The following IFNGR2 variants were observed in gnomAD, a reference collection of about 807,000 sequenced individuals.
IFNGR2 encodes the protein IFN-gamma receptor 2.
IFNGR2 carries 15 observed loss-of-function variants against 41.1 expected under a neutral mutation model. That is an observed-to-expected ratio of 0.37 (90% confidence interval 0.24 to 0.56). The LOEUF (loss-of-function observed/expected upper bound fraction) is 0.56. Ranked by LOEUF, IFNGR2 falls within the 20% of genes least tolerant of loss-of-function variation. IFNGR2 has a pLI of 0.81. For missense variants in IFNGR2, 362 were observed against 415.7 expected (o/e 0.87, Z 1.12); for synonymous variants, 161 against 171.6 (o/e 0.94, Z 0.48).
chr21:33,436,381 T>C lies in IFNGR2; in HGVS notation c.880-447T>C, dbSNP rs367998938. 3.3e-5 allele frequency among the ~76,000 whole-genome samples: 5 copies of C among 152,096 alleles called. No individual in the cohort carries two copies. The South Asian group carries it at 1.0e-3, about 32-fold the overall frequency. On this transcript the variant is annotated intron_variant, in intron 6 of 6. Coordinates refer to ENST00000290219, the MANE Select transcript of IFNGR2 (RefSeq NM_005534.4). ...ATAAAAAGAAAAATAAGTTATGTCA[T>C]TGGTGGACAGAATCAACTTATATCT...
In IFNGR2 at chr21:33,414,875, T is replaced by C; in HGVS notation, c.74-13T>C. ...TCCCTTCCTCCCTCTTCTTTTTCTC[T>C]GTCCCCCTCAAGACCCTCTTTCCCA... On this transcript the variant is annotated splice_polypyrimidine_tract_variant and intron_variant, in intron 1 of 6. Coordinates refer to ENST00000290219, the MANE Select transcript of IFNGR2 (RefSeq NM_005534.4). The C allele has an allele frequency of 6.2e-7, 1 of 1,609,938 alleles. No individual in the cohort carries two copies. Among genetic ancestry groups the C allele is most frequent in the Non-Finnish European group, 8.5e-7 (1 of 1,178,024 alleles).
chr21:33,415,834 G>T (rs1390186071), intron 2 of IFNGR2, among the ~76,000 whole-genome samples: 2 of 152,176 alleles, frequency 1.3e-5, no homozygotes, highest in Non-Finnish European at 2.9e-5. Context: ...CAATGTGTGT[G>T]TGTGTGTGCA....
At chr21:33,426,668 C>T (rs1382124002) in intron 3 of IFNGR2, among the ~76,000 whole-genome samples, 5 of 151,180 alleles carry the variant, frequency 3.3e-5, no homozygotes, top group Admixed American at 6.6e-5. Flanking sequence ...TGCAGTGAGC[C>T]GAGATCGCAC....
chr21:33,428,757 C>T (rs2083861415), intron 4 of IFNGR2, among the ~76,000 whole-genome samples: 1 of 152,350 alleles, frequency 6.6e-6, no homozygotes, highest in Admixed American at 6.5e-5. Context: ...AGGATGGGCC[C>T]TCTGGCCACG....
chr21:33,430,172 C>A (rs1482900101), intron 4 of IFNGR2, among the ~76,000 whole-genome samples: 1 of 152,124 alleles, frequency 6.6e-6, no homozygotes, highest in Non-Finnish European at 1.5e-5. Flanking sequence ...CACACAAATT[C>A]CCAGATGTCA....
chr21:33,421,844 T>TAA (rs1250373126), intron 3 of IFNGR2, among the ~76,000 whole-genome samples, 159 bp downstream of exon 3: 1 of 152,220 alleles, frequency 6.6e-6, no homozygotes, highest in Non-Finnish European at 1.5e-5. Context: ...AGGCTGATGC[T>TAA]AAGGGAGTGT....
chr21:33,428,238 T>C (rs1046455148), intron 4 of IFNGR2, among the ~76,000 whole-genome samples: 5 of 151,556 alleles, frequency 3.3e-5, no homozygotes, highest in Non-Finnish European at 5.9e-5. Flanking sequence ...TTATTGTTCT[T>C]TTTTTGAGAC....
intron 3 of IFNGR2, among the ~76,000 whole-genome samples, chr21:33,423,968 C>G (rs986425396): frequency 6.6e-6 from 1 of 151,970 alleles, no homozygotes; most frequent in Non-Finnish European, 1.5e-5. Flanking sequence ...TCCATTTGAG[C>G]TATAAAGTGT....
rs1004955573 is a variant in IFNGR2 at position 33,432,811 on chromosome 21, T to C, written c.819T>C (p.Tyr273=). The change falls in exon 6 of 7, where the codon TAT becomes TAC. Residue 273 remains tyrosine (Y), a synonymous_variant. Coordinates refer to ENST00000290219, the MANE Select transcript of IFNGR2 (RefSeq NM_005534.4). ...CCTGTTTCTTCCTGGTCCTGAAATATAGAGGCCTGATTAAATACTGGTTTC... is the reference window on the plus strand; with the variant it reads ...CCTGTTTCTTCCTGGTCCTGAAATACAGAGGCCTGATTAAATACTGGTTTC... ...AGACFFLVLK[Y]RGLIKYWFHT... is the part of the protein sequence containing the mutation. 1.2e-6 allele frequency: 2 copies of C among 1,613,888 alleles called. No homozygotes were observed. The highest frequency in any genetic ancestry group is 8.5e-7 in the Non-Finnish European group (1 of 1,179,858).
At chr21:33,404,723 C>G (rs1212732078) in intron 1 of IFNGR2, among the ~76,000 whole-genome samples, 4 of 152,100 alleles carry the variant, frequency 2.6e-5, no homozygotes, top group Non-Finnish European at 5.9e-5. Context: ...GGCACCGTGC[C>G]CAGCTGAGCC....
At chr21:33,414,477 C>A (rs1004629287) in intron 1 of IFNGR2, among the ~76,000 whole-genome samples, 4 of 152,186 alleles carry the variant, frequency 2.6e-5, no homozygotes, top group Admixed American at 2.6e-4. Flanking sequence ...TCGCCACAGC[C>A]CTGTGGGTGT....
chr21:33,405,509 T>C (rs1205373536), intron 1 of IFNGR2, among the ~76,000 whole-genome samples: 3 of 152,146 alleles, frequency 2.0e-5, no homozygotes, highest in Admixed American at 6.6e-5. Context: ...ATTGTCCTAG[T>C]GTGGGATCAG....
intron 3 of IFNGR2, 90 bp from the exon 4 acceptor site, chr21:33,426,794 C>A: frequency 4.8e-6 from 3 of 630,006 alleles, no homozygotes; most frequent in Non-Finnish European, 8.0e-6. Context: ...TATATATATA[C>A]ATATATATAT....
At chr21:33,434,171 T>C (rs1405688557) in intron 6 of IFNGR2, among the ~76,000 whole-genome samples, 3 of 152,172 alleles carry the variant, frequency 2.0e-5, no homozygotes, top group African/African-American at 7.2e-5. Context: ...TTGGGCCTTC[T>C]GAGGACACGG....
chr21:33,428,027 G>A (rs1001946798), intron 4 of IFNGR2, among the ~76,000 whole-genome samples: 1 of 151,036 alleles, frequency 6.6e-6, no homozygotes, highest in Admixed American at 6.6e-5. Context: ...CACCGTGCCC[G>A]GCCCATTTCA....
At chr21:33,411,263 C>T (rs2083713578) in intron 1 of IFNGR2, among the ~76,000 whole-genome samples, 1 of 152,206 alleles carries the variant, frequency 6.6e-6, no homozygotes, top group African/African-American at 2.4e-5. Context: ...CCGACTTATA[C>T]AGTGATGCCC....
Position 33,437,120 on chromosome 21 carries a change from G to C in IFNGR2, c.*158G>C, listed in dbSNP as rs954797055. Reference sequence around the variant, plus strand: ...GAGAGACAGCAGGTCTCATGGGGGTGACAAGCTTTTTTTTTTTTTCTTAAA... The same window carrying C: ...GAGAGACAGCAGGTCTCATGGGGGTCACAAGCTTTTTTTTTTTTTCTTAAA... On this transcript the variant is annotated 3_prime_UTR_variant, in exon 7 of 7. Coordinates refer to ENST00000290219, the MANE Select transcript of IFNGR2 (RefSeq NM_005534.4). 1 of 606,452 alleles carries C rather than the reference G, an allele frequency of 1.6e-6. No homozygotes were observed. Among genetic ancestry groups the C allele is most frequent in the Admixed American group, 3.1e-5 (1 of 32,678 alleles). 37.6% of individuals were successfully genotyped at this position (606,452 alleles called of 1,614,324 possible).
At chr21:33,424,353 G>A (rs909390574) in intron 3 of IFNGR2, among the ~76,000 whole-genome samples, 1 of 152,108 alleles carries the variant, frequency 6.6e-6, no homozygotes, top group African/African-American at 2.4e-5. Flanking sequence ...ATCAAGAGAA[G>A]GTAACAGAAG....
In IFNGR2 at chr21:33,426,794, C is replaced by CAT. The variant is rs121913204; in HGVS notation, c.413-80_413-79dup. Reference sequence around the variant, plus strand: ...TACACCCACTATATATATATATATACATATATATATAGCATTATATAATAC... The same window carrying CAT: ...TACACCCACTATATATATATATATACATATATATATATAGCATTATATAATAC... On this transcript the variant is annotated intron_variant, in intron 3 of 6. Transcript: ENST00000290219. The CAT allele has an allele frequency of 5.6e-5, 35 of 629,806 alleles. No individual in the cohort carries two copies. The highest frequency in any genetic ancestry group is 2.5e-4 in the Admixed American group (9 of 36,584). 39.0% of individuals were successfully genotyped at this position (629,806 alleles called of 1,614,324 possible). A position where few individuals can be genotyped will look rare whatever the true frequency, so the allele number is the denominator to read the frequency against.
Sources: allele counts gnomAD v4.1 joint callset (sites outside exome capture counted in the v4.1 genomes callset), GRCh38; gene constraint gnomAD v4.1.1; transcripts MANE v1.5; gene names NCBI Gene and HGNC (gene_info 2026-07-23, HGNC 2026-07-21).